SHISAL1: variants seen among roughly 807,000 people sequenced by gnomAD.
SHISAL1 encodes protein shisa-like-1.
SHISAL1 carries 9 observed loss-of-function variants against 22.6 expected under a neutral mutation model. The observed-to-expected ratio is 0.40, with a 90% CI of 0.24 to 0.70. The LOEUF (loss-of-function observed/expected upper bound fraction) is 0.70. SHISAL1 is among the 30% of genes least tolerant of loss of function. The probability of loss-of-function intolerance (pLI) is 0.39; values close to 1 mark genes in which losing one functional copy is unlikely to be tolerated. For synonymous variants in SHISAL1, 119 were observed against 115.4 expected, an observed-to-expected ratio of 1.03 and a Z score of -0.20; for missense variants, 246 against 270.6, an observed-to-expected ratio of 0.91 and a Z score of 0.64.
At chr22:44,327,374 G>A in the SHISAL1 span, among the ~76,000 whole-genome samples, 1 of 152,172 alleles carries the variant, frequency 6.6e-6, no homozygotes, top group African/African-American at 2.4e-5. Context: ...CTGGGCTTGT[G>A]GGAAGTGGGG....
Position 44,289,496 on chromosome 22 carries a change from T to TGTG in SHISAL1, c.282-3752_282-3751insCAC, listed in dbSNP as rs768987294. On this transcript the variant is annotated intron_variant, in intron 3 of 4. Coordinates refer to ENST00000381176, the MANE Select transcript of SHISAL1 (RefSeq NM_001099294.2). ...TGTGTGTGTGTGTGTGTGTGTGTGTTTACTGCCGGGCTCCTGGCCTCTGCA... is the reference window on the plus strand; with the variant it reads ...TGTGTGTGTGTGTGTGTGTGTGTGTTGTGTACTGCCGGGCTCCTGGCCTCTGCA... Among the ~76,000 whole-genome samples the TGTG allele has an allele frequency of 3.3e-4, 45 of 137,870 alleles. 3 individuals carry two copies. Among genetic ancestry groups the TGTG allele is most frequent in the Admixed American group, 8.5e-4 (12 of 14,110 alleles). The allele number at this position is 137,870 out of a possible 152,430, so 90.4% of individuals were successfully genotyped here.
chr22:44,286,926 C>A (rs551034445), intron 3 of SHISAL1, among the ~76,000 whole-genome samples: 1 of 152,236 alleles, frequency 6.6e-6, no homozygotes, highest in African/African-American at 2.4e-5. Flanking sequence ...GGTGGGTGTG[C>A]GCTTCTGGTG....
At position 44,245,303 on chromosome 22, in the gene SHISAL1, T is replaced by TCTTC. The variant is rs563637084; in HGVS notation, c.*4378_*4381dup. ...TCCCAATAACTCCATCCAGGTCTGTTCTTCCTTCCTTCCTTCTTACCTACC... is the reference window on the plus strand; with the variant it reads ...TCCCAATAACTCCATCCAGGTCTGTTCTTCCTTCCTTCCTTCCTTCTTACCTACC... On this transcript the variant is annotated 3_prime_UTR_variant, in exon 5 of 5. Transcript: ENST00000381176. 2.8e-4 allele frequency: 43 copies of TCTTC among 152,316 alleles called. No individual in the cohort carries two copies. The highest frequency in any genetic ancestry group is 5.6e-4 in the Non-Finnish European group (38 of 68,156). The allele number at this position is 152,316 out of a possible 1,614,324, so 9.4% of individuals were successfully genotyped here.
rs1399840200 is a variant in SHISAL1 at position 44,245,327 on chromosome 22, C to G, written c.*4358G>C. ...TTCTTCCTTCCTTCCTTCTTACCTACCTACCTAGACAGAGTCTCACTCTGT... is the reference window on the plus strand; with the variant it reads ...TTCTTCCTTCCTTCCTTCTTACCTAGCTACCTAGACAGAGTCTCACTCTGT... On this transcript the variant is annotated 3_prime_UTR_variant, in exon 5 of 5. Coordinates refer to ENST00000381176, the MANE Select transcript of SHISAL1 (RefSeq NM_001099294.2). 1 of 152,308 alleles carries G rather than the reference C, an allele frequency of 6.6e-6. No individual in the cohort carries two copies. The highest frequency in any genetic ancestry group is 2.4e-5 in the African/African-American group (1 of 41,446). 9.4% of individuals were successfully genotyped at this position (152,308 alleles called of 1,614,324 possible).
chr22:44,262,838 A>G (rs2055134332), intron 4 of SHISAL1, among the ~76,000 whole-genome samples: 1 of 152,208 alleles, frequency 6.6e-6, no homozygotes, highest in Non-Finnish European at 1.5e-5. Flanking sequence ...AAGTGGGAAG[A>G]TAACAGAGCA....
intron 4 of SHISAL1, among the ~76,000 whole-genome samples, chr22:44,274,823 C>T (rs2147283028): frequency 6.6e-6 from 1 of 152,232 alleles, no homozygotes; most frequent in East Asian, 1.9e-4. Flanking sequence ...ATTTTTTACT[C>T]CTCAAATAAT....
chr22:44,316,795 G>C (rs1368035623), upstream of SHISAL1, among the ~76,000 whole-genome samples: 1 of 152,190 alleles, frequency 6.6e-6, no homozygotes, highest in East Asian at 1.9e-4. Context: ...ACCTGGGCTG[G>C]AGCATGTGGC....
chr22:44,262,966 C>G (rs1040503072), intron 4 of SHISAL1, among the ~76,000 whole-genome samples: 13 of 152,148 alleles, frequency 8.5e-5, no homozygotes, highest in African/African-American at 3.1e-4. Context: ...TCCAGGTGAA[C>G]TGGAGACAAT....
intron 4 of SHISAL1, among the ~76,000 whole-genome samples, chr22:44,253,921 A>C (rs2055067383): frequency 6.6e-6 from 1 of 152,094 alleles, no homozygotes; most frequent in Non-Finnish European, 1.5e-5. Context: ...AGTGACTATC[A>C]GGCCACAAAG....
intron 1 of SHISAL1, among the ~76,000 whole-genome samples, chr22:44,305,628 C>A (rs2055465207): frequency 1.3e-5 from 2 of 152,220 alleles, no homozygotes; most frequent in Non-Finnish European, 2.9e-5. Context: ...AGCCTTGGGC[C>A]CTCAGGCACA....
the SHISAL1 span, among the ~76,000 whole-genome samples, chr22:44,330,662 T>A: frequency 0.25 from 36,445 of 144,198 alleles, 4,650 homozygotes; most frequent in East Asian, 0.31. Context: ...TTTTTCCCCC[T>A]GTTTTTTTTT....
chr22:44,262,358 G>A (rs1033690938), intron 4 of SHISAL1, among the ~76,000 whole-genome samples: 4 of 151,942 alleles, frequency 2.6e-5, no homozygotes, highest in Non-Finnish European at 5.9e-5. Flanking sequence ...AGGAGAAGGT[G>A]TCTGGACCTG....
intron 1 of SHISAL1, among the ~76,000 whole-genome samples, chr22:44,309,257 G>T (rs535370718): frequency 6.6e-6 from 1 of 152,332 alleles, no homozygotes; most frequent in East Asian, 1.9e-4. Flanking sequence ...AGCCTGGGGG[G>T]AGGCGGTCAC....
intron 2 of SHISAL1, among the ~76,000 whole-genome samples, chr22:44,297,497 C>G (rs181004119): frequency 4.6e-5 from 7 of 152,196 alleles, no homozygotes; most frequent in African/African-American, 1.4e-4. Context: ...AACAGCAGAC[C>G]CTTCGTTCCT....
chr22:44,307,131 G>A (rs1251428736), intron 1 of SHISAL1, among the ~76,000 whole-genome samples: 3 of 152,172 alleles, frequency 2.0e-5, no homozygotes, highest in Admixed American at 2.0e-4. Context: ...GCCTGGAAGG[G>A]CGTCCGCCGT....
At chr22:44,296,957 G>T in intron 2 of SHISAL1, 72 bp from the exon 3 acceptor site, 2 of 1,215,024 alleles carry the variant, frequency 1.6e-6, no homozygotes, top group Non-Finnish European at 2.4e-6. Flanking sequence ...AGGGGGACTG[G>T]CCGGCCTCTT....
chr22:44,266,423 CTGTG>C (rs1002847572), intron 4 of SHISAL1, among the ~76,000 whole-genome samples: 10 of 92,884 alleles, frequency 1.1e-4, no homozygotes, highest in East Asian at 2.8e-4. Context: ...TGTTGGGGGG[CTGTG>C]TGTGTGTTGG....
intron 4 of SHISAL1, among the ~76,000 whole-genome samples, chr22:44,272,862 G>A (rs1327172306): frequency 1.3e-5 from 2 of 152,194 alleles, no homozygotes; most frequent in Admixed American, 6.5e-5. Context: ...TTGGGAGGCC[G>A]AGGCAGGCGG....
intron 4 of SHISAL1, among the ~76,000 whole-genome samples, chr22:44,266,132 T>C (rs2055159477): frequency 6.6e-6 from 1 of 151,788 alleles, no homozygotes; most frequent in African/African-American, 2.4e-5. Flanking sequence ...CAGCCTTAGC[T>C]CCAAGTCACC....
Sources: gnomAD v4.1 joint callset for allele counts (sites outside exome capture counted in the v4.1 genomes callset) on GRCh38, gnomAD v4.1.1 for gene constraint, MANE v1.5 for transcripts, NCBI Gene and HGNC (gene_info 2026-07-23, HGNC 2026-07-21) for gene names.